The following TEX9 variants were observed in gnomAD, a reference collection of about 807,000 sequenced individuals.
TEX9 encodes testis-expressed protein 9.
TEX9 carries 74 observed loss-of-function variants against 59.6 expected under a neutral mutation model. That is an observed-to-expected ratio of 1.24 (90% confidence interval 1.03 to 1.51). The LOEUF is 1.51. Among genes scored for constraint, TEX9 ranks in the 40% most tolerant of loss-of-function variants. The pLI is 0.00. For synonymous variants in TEX9, 186 were observed against 152.2 expected (o/e 1.22, Z -1.64); for missense variants, 522 against 447.8 (o/e 1.17, Z -1.49).
chr15:56,358,645 T>C (rs1341041841), intron 1 of TEX9, among the ~76,000 whole-genome samples: 1 of 152,164 alleles, frequency 6.6e-6, no homozygotes, highest in Non-Finnish European at 1.5e-5. Flanking sequence ...TATTTTACTA[T>C]GTCTTTTCCT....
chr15:56,307,356 C>T (rs1251042182), intron 1 of TEX9, among the ~76,000 whole-genome samples: 2 of 152,182 alleles, frequency 1.3e-5, no homozygotes, highest in African/African-American at 2.4e-5. Flanking sequence ...CAGCTCCTCT[C>T]CCTAGCCCAC....
At chr15:56,375,416 C>T (rs1440214301) in intron 3 of TEX9, among the ~76,000 whole-genome samples, 3 of 151,844 alleles carry the variant, frequency 2.0e-5, no homozygotes, top group Non-Finnish European at 4.4e-5. Context: ...TGGATATTAG[C>T]CCTTTGTCAG....
the TEX9 span, among the ~76,000 whole-genome samples, chr15:56,452,094 A>G: frequency 1.3e-5 from 2 of 152,276 alleles, no homozygotes; most frequent in East Asian, 1.9e-4. Context: ...TCCCTGTCCT[A>G]TGTTCTCTCT....
the TEX9 span, among the ~76,000 whole-genome samples, chr15:56,453,076 A>C: frequency 6.6e-6 from 1 of 152,180 alleles, no homozygotes; most frequent in African/African-American, 2.4e-5. Flanking sequence ...CAGATATTAC[A>C]GCATGTTTCT....
intron 1 of TEX9, among the ~76,000 whole-genome samples, chr15:56,296,341 C>G (rs1432866310): frequency 1.3e-5 from 2 of 151,910 alleles, no homozygotes; most frequent in Non-Finnish European, 2.9e-5. Flanking sequence ...TTTTAGAGCC[C>G]TAGGAAAATT....
intron 1 of TEX9, among the ~76,000 whole-genome samples, chr15:56,303,776 T>G (rs573929685): frequency 6.6e-6 from 1 of 152,156 alleles, no homozygotes; most frequent in South Asian, 2.1e-4. Context: ...ATAAGAAAAG[T>G]GAGAAGACCC....
chr15:56,410,482 A>AT (rs1211341344), intron 9 of TEX9, among the ~76,000 whole-genome samples: 1 of 152,036 alleles, frequency 6.6e-6, no homozygotes, highest in Non-Finnish European at 1.5e-5. Context: ...TTAAAAAAAA[A>AT]CTAATGTGCA....
chr15:56,419,888 C>T (rs2049884903), intron 10 of TEX9, among the ~76,000 whole-genome samples: 1 of 151,846 alleles, frequency 6.6e-6, no homozygotes, highest in Non-Finnish European at 1.5e-5. Context: ...ACAGGTAAAG[C>T]CGTCTGGGCC....
chr15:56,246,743 C>G (rs554676374), intron 1 of TEX9, among the ~76,000 whole-genome samples: 1 of 152,134 alleles, frequency 6.6e-6, no homozygotes, highest in South Asian at 2.1e-4. Flanking sequence ...CCCTGAGGAG[C>G]CTAAGTTTAT....
At chr15:56,320,650 G>C (rs1472089765) in intron 1 of TEX9, among the ~76,000 whole-genome samples, 1 of 152,184 alleles carries the variant, frequency 6.6e-6, no homozygotes, top group Non-Finnish European at 1.5e-5. Context: ...ATTCCCTCCA[G>C]AGCTGTGGAG....
intron 12 of TEX9, among the ~76,000 whole-genome samples, chr15:56,433,883 A>T (rs1371918363): frequency 6.6e-6 from 1 of 152,120 alleles, no homozygotes; most frequent in Non-Finnish European, 1.5e-5. Flanking sequence ...CTTAACCAAG[A>T]CCATAAATTC....
chr15:56,439,207 G>A (rs2050778735), intron 12 of TEX9, among the ~76,000 whole-genome samples: 1 of 152,098 alleles, frequency 6.6e-6, no homozygotes, highest in Non-Finnish European at 1.5e-5. Flanking sequence ...ACACTTAGAT[G>A]TAACAAAACA....
At chr15:56,430,274 A>G (rs1373419553) in intron 12 of TEX9, among the ~76,000 whole-genome samples, 120 bp downstream of exon 12, 2 of 152,274 alleles carry the variant, frequency 1.3e-5, no homozygotes, top group African/African-American at 2.4e-5. Flanking sequence ...TGGCAAGATC[A>G]TGGGTCACTG....
At chr15:56,263,918 A>G (rs1373726531) in intron 1 of TEX9, among the ~76,000 whole-genome samples, 1 of 152,214 alleles carries the variant, frequency 6.6e-6, no homozygotes, top group Non-Finnish European at 1.5e-5. Flanking sequence ...CTGCATGGAT[A>G]TACCAATTTG....
rs138430558 is a variant in TEX9, at chr15:56,400,210, C to G, written c.828+5376C>G. On this transcript the variant is annotated intron_variant, in intron 9 of 12. Transcript: ENST00000352903. ...AGCTAAAGGATCATGATGTTCTAAC[C>G]CAACACAAGGAAGCTAAAAACCTTG... Among the ~76,000 whole-genome samples the G allele has an allele frequency of 8.8e-4, 134 of 152,148 alleles. 1 individual carries two copies. The East Asian group carries it at 0.021, about 23-fold the overall frequency.
At chr15:56,358,090 T>C (rs1463095859) in intron 1 of TEX9, among the ~76,000 whole-genome samples, 1 of 152,180 alleles carries the variant, frequency 6.6e-6, no homozygotes, top group African/African-American at 2.4e-5. Flanking sequence ...TCTAAATGAC[T>C]TTTAGCCTTT....
At chr15:56,247,975 G>A (rs2043903168) in intron 1 of TEX9, among the ~76,000 whole-genome samples, 1 of 152,162 alleles carries the variant, frequency 6.6e-6, no homozygotes, top group Non-Finnish European at 1.5e-5. Flanking sequence ...AGGAAAGAAG[G>A]CTTTTCACCT....
intron 3 of TEX9, among the ~76,000 whole-genome samples, chr15:56,376,814 G>A (rs896160902): frequency 6.6e-6 from 1 of 152,070 alleles, no homozygotes; most frequent in Non-Finnish European, 1.5e-5. Context: ...TATTACTCAA[G>A]AAATCTTTGT....
At chr15:56,272,934 A>ATTT (rs1303633928) in intron 1 of TEX9, among the ~76,000 whole-genome samples, 1 of 129,616 alleles carries the variant, frequency 7.7e-6, no homozygotes, top group African/African-American at 2.7e-5. Context: ...TTATTTATTT[A>ATTT]TTTATTTTTT....
Sources: allele counts gnomAD v4.1 joint callset (sites outside exome capture counted in the v4.1 genomes callset), GRCh38; gene constraint gnomAD v4.1.1; transcripts MANE v1.5; gene names NCBI Gene and HGNC (gene_info 2026-07-23, HGNC 2026-07-21).